The following PLEC variants were observed in gnomAD, a reference collection of about 807,000 sequenced individuals.
The protein encoded by PLEC is hemidesmosomal protein 1.
In PLEC, 216 loss-of-function variants were observed where a neutral mutation model predicts 392.8. That is an observed-to-expected ratio of 0.55 (90% CI 0.49 to 0.62). The LOEUF is 0.62. Among genes scored for constraint, PLEC ranks in the 20% least tolerant of loss-of-function variants. The pLI is 0.00. For missense variants in PLEC, 6,863 were observed against 6,563.4 expected (o/e 1.05, Z -1.58); for synonymous variants, 3,621 against 2,980.6 (o/e 1.21, Z -7.00).
Position 143,926,766 on chromosome 8 carries a change from C to A in PLEC, c.4044+18G>T, listed in dbSNP as rs1825331054. 2.5e-6 allele frequency: 4 copies of A among 1,601,426 alleles called. No individual in the cohort carries two copies. The highest frequency in any genetic ancestry group is 2.2e-5 in the South Asian group (2 of 90,844). ...TGAGATGGAACCCTCTGCCCAGCCTCCGCCCAACGGGCTGTACCTCCTCCT... is the reference window on the plus strand; with the variant it reads ...TGAGATGGAACCCTCTGCCCAGCCTACGCCCAACGGGCTGTACCTCCTCCT... On this transcript the variant is annotated intron_variant, in intron 30 of 31. Coordinates refer to ENST00000345136, the MANE Select transcript of PLEC (RefSeq NM_201384.3).
chr8:143,970,734 T>C (rs1587425117), intron 1 of PLEC, among the ~76,000 whole-genome samples: 1 of 152,270 alleles, frequency 6.6e-6, no homozygotes, highest in East Asian at 1.9e-4. Flanking sequence ...AACTCTCTCC[T>C]AGAACTGTCC....
intron 1 of PLEC, among the ~76,000 whole-genome samples, chr8:143,965,440 C>T (rs1447376669): frequency 6.6e-6 from 1 of 152,236 alleles, no homozygotes; most frequent in Non-Finnish European, 1.5e-5. Context: ...ACTGGGCCTA[C>T]AGATGACCCG....
At chr8:143,942,643 C>G (rs1450990254), upstream of PLEC, 18 of 1,176,390 alleles carry the variant, frequency 1.5e-5, no homozygotes, top group Admixed American at 3.0e-5. Context: ...CACCTCCCCC[C>G]CACAATCCGC....
upstream of PLEC, among the ~76,000 whole-genome samples, chr8:143,939,807 G>GACATGGGGA (rs1830100710): frequency 7.3e-6 from 1 of 136,174 alleles, no homozygotes. Flanking sequence ...CCCCTAGGGG[G>GACATGGGGA]ACCTGGGGAC....
At chr8:143,974,586 C>A (rs781802654), upstream of PLEC, among the ~76,000 whole-genome samples, 11 of 152,254 alleles carry the variant, frequency 7.2e-5, no homozygotes. The surrounding 1 kb of genome is among the most constrained non-coding windows in gnomAD (Gnocchi z 5.9). Flanking sequence ...CCCGCAGGGG[C>A]CTCCCTGCCC....
upstream of PLEC, chr8:143,944,025 C>T (rs1018163075): frequency 4.5e-5 from 60 of 1,345,304 alleles, no homozygotes; most frequent in African/African-American, 7.3e-5. Flanking sequence ...CCCGCAGGAC[C>T]GCCCCATACG....
chr8:143,969,008 A>G lies in PLEC; in HGVS notation c.70+4395T>C, dbSNP rs1441762737. Among the ~76,000 whole-genome samples the G allele has an allele frequency of 3.3e-5, 5 of 152,204 alleles. No individual in the cohort carries two copies. The highest frequency in any genetic ancestry group is 7.3e-5 in the Non-Finnish European group (5 of 68,034). ...CAGCTGAGCAATTCCACTCCTAGGT[A>G]TCTACCCAGCAGAAATAAAAAACAT... On this transcript the variant is annotated intron_variant, in intron 1 of 31. Coordinates refer to the PLEC transcript ENST00000356346. This position sits in a 1 kb window ranked among gnomAD's most constrained non-coding sequence, Gnocchi z 5.1.
chr8:143,937,173 G>A lies in PLEC; in HGVS notation c.334C>T (p.His112Tyr). ...NVQIALDYLR[H>Y]RQVKLVNIRN... ...CTGCCGGGCAGCCTTACCTGGCGGT[G>A]CCGGAGGTAGTCCAGGGCAATCTGG... Residue 112 changes from histidine to tyrosine, a missense_variant, in exon 4 of 32, where the codon CAC becomes TAC. Transcript: ENST00000345136. 5 of 1,612,324 alleles carry A rather than the reference G, an allele frequency of 3.1e-6. No homozygotes were observed. Among genetic ancestry groups the A allele is most frequent in the Non-Finnish European group, 4.2e-6 (5 of 1,179,426 alleles).
rs558145979 is a variant in PLEC, at chr8:143,921,736, G to A, written c.8085C>T (p.Arg2695=). The change falls in exon 32 of 32, where the codon CGC becomes CGT. Residue 2695 remains arginine (R), a synonymous_variant. Transcript: ENST00000345136. ...TCAGCAACAGCCCTGCGATACTGCT[G>A]CGGCCCTGCAGGTAGTGGCGCACGT... ...REDVRHYLQG[R]SSIAGLLLKA... 59 of 1,612,740 alleles carry A rather than the reference G, an allele frequency of 3.7e-5. No individual in the cohort carries two copies. The highest frequency in any genetic ancestry group is 4.9e-5 in the Non-Finnish European group (58 of 1,179,886).
chr8:143,924,856 T>C lies in PLEC; in HGVS notation c.5073A>G (p.Glu1691=), dbSNP rs1554699319. 1 of 1,587,050 alleles carries C rather than the reference T, an allele frequency of 6.3e-7. No individual in the cohort carries two copies. The highest frequency in any genetic ancestry group is 8.5e-7 in the Non-Finnish European group (1 of 1,174,350). ...GCTGCCGCTGCTTCTCCAGCTCTTG[T>C]TCAGCCAGCTCCCGCTGCCGGACGG... The part of the protein sequence containing the change: ...EQAVRQRELA[E]QELEKQRQLA... The change falls in exon 31 of 32, where the codon GAA becomes GAG. Residue 1691 remains glutamate, a synonymous_variant. Transcript: ENST00000345136.
chr8:143,918,219 C>A lies in PLEC; in HGVS notation c.11602G>T (p.Asp3868Tyr). 6.3e-7 allele frequency: 1 copy of A among 1,577,540 alleles called. No individual in the cohort carries two copies. The highest frequency in any genetic ancestry group is 8.5e-7 in the Non-Finnish European group (1 of 1,170,008). Reference protein sequence around the residue: ...TQLLRRCRRDDGTGQLLLPLS... With the variant: ...TQLLRRCRRDYGTGQLLLPLS... The stretch of plus-strand genomic sequence containing the variant: ...GGCAGGAGCAGCTGGCCGGTGCCGT[C>A]GTCACGACGGCACCGCCTGAGCAGC... The change falls in exon 32 of 32, where the codon GAC becomes TAC. Residue 3868 changes from aspartate to tyrosine, a missense_variant. Physicochemically the swap from Asp to Tyr is radical, Grantham distance 160 (BLOSUM62 -3). Transcript: ENST00000345136.
At chr8:143,946,594 G>A in intron 1 of PLEC, 1 of 335,968 alleles carries the variant, frequency 3.0e-6, no homozygotes, top group Non-Finnish European at 5.9e-6. Flanking sequence ...CCTGCCTGGG[G>A]GTGCAGGGGA....
At chr8:143,926,491 C>G (rs782050539) in intron 30 of PLEC, among the ~76,000 whole-genome samples, 2 of 152,198 alleles carry the variant, frequency 1.3e-5, no homozygotes, top group Non-Finnish European at 2.9e-5. Context: ...CGCAGAACGC[C>G]AAGGAAGAGC....
chr8:143,923,102 A>C lies in PLEC; in HGVS notation c.6827T>G (p.Val2276Gly). ...LQEEAEKMKQ[V>G]AEEAARLSVA... The stretch of plus-strand genomic sequence containing the variant: ...ACTCAGCCGCGCGGCCTCCTCCGCC[A>C]CCTGCTTCATCTTCTCAGCCTCCTC... The change falls in exon 31 of 32, where the codon GTG becomes GGG. Residue 2276 changes from valine (V) to glycine (G), a missense_variant. Physicochemically the swap from Val to Gly is moderately radical, Grantham distance 109. Transcript: ENST00000345136. The C allele has an allele frequency of 6.2e-7, 1 of 1,605,290 alleles. No homozygotes were observed. The highest frequency in any genetic ancestry group is 1.1e-5 in the South Asian group (1 of 91,032).
At position 143,917,054 on chromosome 8, in the gene PLEC, TAGG is replaced by T. The variant is rs782283579; in HGVS notation, c.12764_12766del (p.Ser4255del). The T allele has an allele frequency of 8.7e-6, 14 of 1,605,684 alleles. No homozygotes were observed. The highest frequency in any genetic ancestry group is 1.7e-5 in the Admixed American group (1 of 59,738). ...CCTGGAGACGGCGGGGCTGATGGGG[TAGG>T]AGGAGGAGGATCCCACCGAGGAGGA... On this transcript the variant is annotated inframe_deletion, in exon 32 of 32. Transcript: ENST00000345136.
intron 1 of PLEC, among the ~76,000 whole-genome samples, chr8:143,959,111 T>TGA (rs1471628618): frequency 6.6e-6 from 1 of 152,318 alleles, no homozygotes; most frequent in Non-Finnish European, 1.5e-5. Flanking sequence ...GCGAGGCTGC[T>TGA]GAGGGGAGGG....
At chr8:143,946,309 T>C (rs12543539) in intron 1 of PLEC, 481,410 of 1,274,748 alleles carry the variant, frequency 0.38, 94,081 homozygotes, top group Middle Eastern at 0.41. Flanking sequence ...GCCCCGGCCC[T>C]CTCCTCTGCC....
rs374252558 is a variant in PLEC, at chr8:143,922,410, G to A, written c.7426-15C>T. On this transcript the variant is annotated splice_polypyrimidine_tract_variant and intron_variant, in intron 31 of 31. Transcript: ENST00000345136. Reference sequence around the variant, plus strand: ...ACCGTCTGCATCTGCAGAAGAAGAGGGTGTGATCAGGGACCGCCAGCCCAG... The same window carrying A: ...ACCGTCTGCATCTGCAGAAGAAGAGAGTGTGATCAGGGACCGCCAGCCCAG... 5.1e-5 allele frequency: 81 copies of A among 1,600,614 alleles called. No homozygotes were observed. The highest frequency in any genetic ancestry group is 3.3e-4 in the Middle Eastern group (2 of 6,082).
At chr8:143,936,866 T>C in intron 5 of PLEC, 113 bp downstream of exon 5, 1 of 826,496 alleles carries the variant, frequency 1.2e-6, no homozygotes, top group Non-Finnish European at 2.0e-6. Context: ...ACGGCGCCAG[T>C]CACCTCCCAG....
Sources: gnomAD v4.1 joint callset for allele counts (sites outside exome capture counted in the v4.1 genomes callset) on GRCh38, gnomAD v4.1.1 for gene constraint, Gnocchi (gnomAD v3.1) non-coding constraint, MANE v1.5 for transcripts, NCBI Gene and HGNC (gene_info 2026-07-23, HGNC 2026-07-21) for gene names.